THRB: variants seen among roughly 807,000 people sequenced by gnomAD.
THRB encodes nuclear receptor subfamily 1 group A member 2.
In THRB, 12 loss-of-function variants were observed where a neutral mutation model predicts 47.8. That is an observed-to-expected ratio of 0.25 (90% confidence interval 0.16 to 0.41). THRB has a LOEUF of 0.41. THRB is among the 10% of genes least tolerant of loss of function. The pLI is 1.00. For synonymous variants in THRB, 218 were observed against 212.2 expected (o/e 1.03, Z -0.24); for missense variants, 348 against 589.2 (o/e 0.59, Z 4.24).
chr3:24,375,518 T>C (rs1317441962), intron 1 of THRB, among the ~76,000 whole-genome samples: 3 of 146,906 alleles, frequency 2.0e-5, no homozygotes, highest in East Asian at 3.9e-4. Context: ...GTTAGACATA[T>C]AATATTAATA....
At chr3:24,436,643 T>C (rs1028735834) in intron 1 of THRB, among the ~76,000 whole-genome samples, 2 of 152,170 alleles carry the variant, frequency 1.3e-5, no homozygotes, top group African/African-American at 4.8e-5. Flanking sequence ...ACATTTCACA[T>C]TCTTGCACTG....
chr3:24,402,131 T>A (rs1032690773), intron 1 of THRB, among the ~76,000 whole-genome samples: 2 of 152,016 alleles, frequency 1.3e-5, no homozygotes, highest in Non-Finnish European at 2.9e-5. Flanking sequence ...CATCAGGATG[T>A]TACAGAGGCT....
At chr3:24,171,633 T>C (rs905670714) in intron 5 of THRB, among the ~76,000 whole-genome samples, 1 of 152,156 alleles carries the variant, frequency 6.6e-6, no homozygotes, top group Non-Finnish European at 1.5e-5. Context: ...AGGTGGGGCC[T>C]TTATTTTCCC....
chr3:24,302,073 T>A (rs903230922), intron 2 of THRB, among the ~76,000 whole-genome samples: 26 of 152,234 alleles, frequency 1.7e-4, no homozygotes, highest in African/African-American at 6.3e-4. Context: ...GCCGCTAGGT[T>A]GGTGATAATT....
At chr3:24,327,953 T>TA (rs1193574118) in intron 2 of THRB, among the ~76,000 whole-genome samples, 1 of 152,116 alleles carries the variant, frequency 6.6e-6, no homozygotes, top group Non-Finnish European at 1.5e-5. Context: ...AAAGAGTTCT[T>TA]AAAAATCATT....
chr3:24,431,261 TACACACAC>T (rs199810848), intron 1 of THRB, among the ~76,000 whole-genome samples: 31,010 of 135,658 alleles, frequency 0.23, 3,916 homozygotes, highest in East Asian at 0.34. Flanking sequence ...TCTCTCTCTC[TACACACAC>T]ACACACACAC....
rs1164031560 is a variant in THRB at position 24,118,522 on chromosome 3, T to A, written c.*4362A>T. 2 of 152,498 alleles carry A rather than the reference T, an allele frequency of 1.3e-5. No individual in the cohort carries two copies. Among genetic ancestry groups the A allele is most frequent in the East Asian group, 3.8e-4 (2 of 5,202 alleles). 9.4% of individuals were successfully genotyped at this position (152,498 alleles called of 1,614,324 possible). Reference sequence around the variant, plus strand: ...TGATTCTCAGGGCATGAAAACATTATGGGAAAAAAAAGGATTTTCTACGAA... The same window carrying A: ...TGATTCTCAGGGCATGAAAACATTAAGGGAAAAAAAAGGATTTTCTACGAA... On this transcript the variant is annotated 3_prime_UTR_variant, in exon 11 of 11. Coordinates refer to ENST00000646209, the MANE Select transcript of THRB (RefSeq NM_001354712.2).
intron 5 of THRB, among the ~76,000 whole-genome samples, chr3:24,166,077 G>T (rs572817650): frequency 6.6e-6 from 1 of 152,112 alleles, no homozygotes; most frequent in Non-Finnish European, 1.5e-5. Flanking sequence ...CATAGGTCCC[G>T]CTGGTTTTTA....
intron 4 of THRB, among the ~76,000 whole-genome samples, chr3:24,215,626 T>C (rs950984828): frequency 6.6e-5 from 10 of 152,206 alleles, no homozygotes; most frequent in African/African-American, 2.2e-4. Flanking sequence ...TAGGCATTTG[T>C]ATAGCCCTTT....
At chr3:24,322,334 G>A (rs1174696524) in intron 2 of THRB, among the ~76,000 whole-genome samples, 1 of 152,096 alleles carries the variant, frequency 6.6e-6, no homozygotes, top group Non-Finnish European at 1.5e-5. Flanking sequence ...TCAAATGAAG[G>A]TAGAAAACAG....
At chr3:24,495,399 G>A (rs528276451), upstream of THRB, 1 of 153,296 alleles carries the variant, frequency 6.5e-6, no homozygotes, top group Non-Finnish European at 1.5e-5. Context: ...CGCTCACAGC[G>A]CCCGGCTTGC....
chr3:24,150,709 A>C (rs989828219), intron 6 of THRB, among the ~76,000 whole-genome samples: 1 of 152,160 alleles, frequency 6.6e-6, no homozygotes, highest in African/African-American at 2.4e-5. Flanking sequence ...CTTTAGAGTC[A>C]TTTTGGGGAA....
Position 24,493,626 on chromosome 3 carries a change from A to AGGAG in THRB, c.-261+1022_-261+1025dup, listed in dbSNP as rs143818913. On this transcript the variant is annotated intron_variant, in intron 1 of 10. Coordinates refer to ENST00000646209, the MANE Select transcript of THRB (RefSeq NM_001354712.2). ...AAAAATTCTAAATTTATGTGGACAAAGGAGAATGGAGAATCTGAACTTGGC... is the reference window on the plus strand; with the variant it reads ...AAAAATTCTAAATTTATGTGGACAAAGGAGGGAGAATGGAGAATCTGAACTTGGC... Among the ~76,000 whole-genome samples, 834 of 152,334 alleles carry AGGAG rather than the reference A, an allele frequency of 5.5e-3. 10 individuals are homozygous for AGGAG. The highest frequency in any genetic ancestry group is 0.019 in the African/African-American group (808 of 41,566).
At chr3:24,306,852 T>G (rs1341625888) in intron 2 of THRB, among the ~76,000 whole-genome samples, 2 of 152,204 alleles carry the variant, frequency 1.3e-5, no homozygotes, top group African/African-American at 4.8e-5. Context: ...GTCTCTTTAC[T>G]TTCCTACAAT....
At position 24,391,047 on chromosome 3, in the gene THRB, A is replaced by C. The variant is rs146695343; in HGVS notation, c.-260-53676T>G. On this transcript the variant is annotated intron_variant, in intron 1 of 10. Transcript: ENST00000646209. Reference sequence around the variant, plus strand: ...TGCATCACAGGCAGAGTGCAGGTGCACTGTGCAGTCTGGCAGAAGGAGCAG... The same window carrying C: ...TGCATCACAGGCAGAGTGCAGGTGCCCTGTGCAGTCTGGCAGAAGGAGCAG... Among the ~76,000 whole-genome samples the C allele has an allele frequency of 9.9e-5, 15 of 152,168 alleles. No individual in the cohort carries two copies. The East Asian group carries it at 2.5e-3, about 26-fold the overall frequency.
chr3:24,338,127 A>G (rs1274708572), intron 1 of THRB, among the ~76,000 whole-genome samples: 1 of 152,190 alleles, frequency 6.6e-6, no homozygotes, highest in African/African-American at 2.4e-5. Context: ...TTAGCAGGGA[A>G]AACATCTGGG....
chr3:24,483,573 G>T (rs1271610895), intron 1 of THRB, among the ~76,000 whole-genome samples: 2 of 151,334 alleles, frequency 1.3e-5, no homozygotes, highest in Admixed American at 6.6e-5. Context: ...AACACTCTTT[G>T]CATACTATGA....
At chr3:24,396,019 T>A (rs2066933588) in intron 1 of THRB, among the ~76,000 whole-genome samples, 1 of 152,086 alleles carries the variant, frequency 6.6e-6, no homozygotes. Flanking sequence ...GCTAGTGGAT[T>A]TCTTTTTGAG....
intron 1 of THRB, among the ~76,000 whole-genome samples, chr3:24,441,088 T>A (rs922690856): frequency 6.6e-6 from 1 of 152,132 alleles, no homozygotes; most frequent in Non-Finnish European, 1.5e-5. Context: ...AGGAAAAAGA[T>A]CCCTACTTTT....
Sources: allele counts gnomAD v4.1 joint callset (sites outside exome capture counted in the v4.1 genomes callset), GRCh38; gene constraint gnomAD v4.1.1; transcripts MANE v1.5; gene names NCBI Gene and HGNC (gene_info 2026-07-23, HGNC 2026-07-21).